The following NKX1-2 variants were observed in gnomAD, a reference collection of about 807,000 sequenced individuals.
NKX1-2 encodes the protein NK1 transcription factor-related protein 2.
A neutral mutation model predicts 4.4 loss-of-function variants in NKX1-2; 1 was observed. The observed-to-expected ratio is 0.23, with a 90% confidence interval of 0.08 to 1.08. The LOEUF is 1.08. Among genes scored for constraint, NKX1-2 ranks in the 50% least tolerant of loss-of-function variants. NKX1-2 has a pLI of 0.55. For missense variants in NKX1-2, 503 were observed against 464.6 expected, an observed-to-expected ratio of 1.08 and a Z score of -0.76; for synonymous variants, 235 against 228.0, an observed-to-expected ratio of 1.03 and a Z score of -0.28.
At position 124,447,587 on chromosome 10, in the gene NKX1-2, C is replaced by G. The variant is rs1484096488; in HGVS notation, c.775G>C (p.Gly259Arg). ...SGGSPGPPGT[G>R]ALHFQTFPSY... is the part of the protein sequence containing the mutation. Reference sequence around the variant, plus strand: ...GGGAAAGTCTGGAAGTGCAGAGCGCCGGTGCCGGGAGGGCCAGGACTGCCC... The same window carrying G: ...GGGAAAGTCTGGAAGTGCAGAGCGCGGGTGCCGGGAGGGCCAGGACTGCCC... The change falls in exon 2 of 2, where the codon GGC becomes CGC. Residue 259 changes from glycine to arginine, a missense_variant. Physicochemically the swap from Gly to Arg is moderately radical, Grantham distance 125. Transcript: ENST00000451024. The G allele has an allele frequency of 7.1e-6, 9 of 1,270,954 alleles. No individual in the cohort carries two copies. In the East Asian group the frequency reaches 1.9e-4, roughly 26 times the overall value. The allele number at this position is 1,270,954 out of a possible 1,614,324, so 78.7% of individuals were successfully genotyped here.
Position 124,448,066 on chromosome 10 carries a change from C to G in NKX1-2, c.296G>C (p.Arg99Thr). The G allele has an allele frequency of 6.6e-7, 1 of 1,522,342 alleles. No individual in the cohort carries two copies. Among genetic ancestry groups the G allele is most frequent in the Non-Finnish European group, 8.8e-7 (1 of 1,140,154 alleles). The allele number at this position is 1,522,342 out of a possible 1,614,324, so 94.3% of individuals were successfully genotyped here. Residue 99 changes from arginine to threonine, a missense_variant, in exon 2 of 2, where the codon AGG becomes ACG. By Grantham distance (71) the Arg-to-Thr change is moderately conservative. Transcript: ENST00000451024. This position sits in a 1 kb window ranked among gnomAD's most constrained non-coding sequence, Gnocchi z 4.1. Reference protein sequence around the residue: ...AEEEEDAEDPRRPRLRERAAR... With the variant: ...AEEEEDAEDPTRPRLRERAAR... ...AGCCCGCTCCCGCAGCCGCGGCCTC[C>G]TCGGATCCTCCGCATCCTCCTCCTC... is the stretch of plus-strand genomic sequence containing the variant.
rs2133791090 is a variant in NKX1-2, at chr10:124,447,561, GGGGAAA to G, written c.795_800del (p.Phe266_Pro267del). 1 of 1,275,078 alleles carries G rather than the reference GGGGAAA, an allele frequency of 7.8e-7. No individual in the cohort carries two copies. The highest frequency in any genetic ancestry group is 3.1e-5 in the East Asian group (1 of 32,360). 79.0% of individuals were successfully genotyped at this position (1,275,078 alleles called of 1,614,324 possible). The stretch of plus-strand genomic sequence containing the variant: ...AGAGGACATTGGCCGCGGAGTAGGA[GGGGAAA>G]GTCTGGAAGTGCAGAGCGCCGGTGC... On this transcript the variant is annotated inframe_deletion, in exon 2 of 2. Transcript: ENST00000451024.
At position 124,447,321 on chromosome 10, in the gene NKX1-2, G is replaced by C; in HGVS notation, c.*108C>G. ...GATCGCGGGTGCGCGCGGCGGGCAG[G>C]GGTGCGCTGACACCCGCGCACCTGC... On this transcript the variant is annotated 3_prime_UTR_variant, in exon 2 of 2. Coordinates refer to ENST00000451024, the MANE Select transcript of NKX1-2 (RefSeq NM_001146340.3). 1.2e-6 allele frequency: 1 copy of C among 834,388 alleles called. No individual in the cohort carries two copies. Among genetic ancestry groups the C allele is most frequent in the East Asian group, 3.4e-5 (1 of 29,784 alleles). The allele number at this position is 834,388 out of a possible 1,614,324, so 51.7% of individuals were successfully genotyped here.
rs3916136 is a variant in NKX1-2, at chr10:124,448,113, G to T, written c.249C>A (p.Pro83=). The change falls in exon 2 of 2, where the codon CCC becomes CCA. Residue 83 remains proline (P), a synonymous_variant. Transcript: ENST00000451024. The surrounding 1 kb of genome is among the most constrained non-coding windows in gnomAD (Gnocchi z 4.1). ...CCTCTTCCGCCTCGGAACCCTCCAG[G>T]GGGGACGCCTGGCCGGCGCCTGGGC... is the stretch of plus-strand genomic sequence containing the variant. The part of the protein sequence containing the change: ...AAGPGAGQAS[P]LEGSEAEEEE... 3.0e-5 allele frequency: 45 copies of T among 1,508,372 alleles called. No individual in the cohort carries two copies. The highest frequency in any genetic ancestry group is 3.6e-5 in the Non-Finnish European group (41 of 1,134,770). 93.4% of individuals were successfully genotyped at this position (1,508,372 alleles called of 1,614,324 possible). A position where few individuals can be genotyped will look rare whatever the true frequency, so the allele number is the denominator to read the frequency against.
rs1952256428 is a variant in NKX1-2 at position 124,447,766 on chromosome 10, G to T, written c.596C>A (p.Ser199Tyr). 1.3e-6 allele frequency: 2 copies of T among 1,482,416 alleles called. No individual in the cohort carries two copies. The highest frequency in any genetic ancestry group is 1.8e-6 in the Non-Finnish European group (2 of 1,110,170). 91.8% of individuals were successfully genotyped at this position (1,482,416 alleles called of 1,614,324 possible). ...SVCERLNLAL[S>Y]LSLTETQVKI... is the part of the protein sequence containing the mutation. ...GACCTGCGTCTCGGTGAGGCTGAGA[G>T]ACAGCGCGAGGTTCAGGCGCTCGCA... Residue 199 changes from serine to tyrosine, a missense_variant, in exon 2 of 2, where the codon TCT becomes TAT. Physicochemically the swap from Ser to Tyr is moderately radical, Grantham distance 144. Transcript: ENST00000451024.
At position 124,446,897 on chromosome 10, in the gene NKX1-2, A is replaced by G. The variant is rs1952243007; in HGVS notation, c.*532T>C. ...ATGCATTTTAAAAATAGTCCGTTTC[A>G]GAGCGGCCGTCTGTGCTCCAGGACC... On this transcript the variant is annotated 3_prime_UTR_variant, in exon 2 of 2. Transcript: ENST00000451024. 1 of 152,498 alleles carries G rather than the reference A, an allele frequency of 6.6e-6. No homozygotes were observed. 9.4% of individuals were successfully genotyped at this position (152,498 alleles called of 1,614,324 possible).
In NKX1-2 at chr10:124,447,941, A is replaced by G. The variant is rs1952260219; in HGVS notation, c.421T>C (p.Ser141Pro). 1 of 1,376,632 alleles carries G rather than the reference A, an allele frequency of 7.3e-7. No individual in the cohort carries two copies. The highest frequency in any genetic ancestry group is 9.4e-7 in the Non-Finnish European group (1 of 1,068,108). 85.3% of individuals were successfully genotyped at this position (1,376,632 alleles called of 1,614,324 possible). A position where few individuals can be genotyped will look rare whatever the true frequency, so the allele number is the denominator to read the frequency against. The change falls in exon 2 of 2, where the codon TCC becomes CCC. Residue 141 changes from serine (S) to proline (P), a missense_variant. Transcript: ENST00000451024. The part of the protein sequence containing the change: ...CEDGGGGPVR[S>P]PPGSPGSPRP... ...GGGGAGCCGGGGGATCCCGGGGGGGACCTCACAGGGCCGCCCCCGCCGTCC... is the reference window on the plus strand; with the variant it reads ...GGGGAGCCGGGGGATCCCGGGGGGGGCCTCACAGGGCCGCCCCCGCCGTCC...
Position 124,447,336 on chromosome 10 carries a change from C to G in NKX1-2, c.*93G>C. ...CGGCGGGCAGGGGTGCGCTGACACC[C>G]GCGCACCTGCACCCCCGGTGGAGGA... On this transcript the variant is annotated 3_prime_UTR_variant, in exon 2 of 2. Coordinates refer to ENST00000451024, the MANE Select transcript of NKX1-2 (RefSeq NM_001146340.3). 1 of 768,980 alleles carries G rather than the reference C, an allele frequency of 1.3e-6. No homozygotes were observed. The highest frequency in any genetic ancestry group is 1.7e-6 in the Non-Finnish European group (1 of 571,586). The allele number at this position is 768,980 out of a possible 1,614,324, so 47.6% of individuals were successfully genotyped here. A position where few individuals can be genotyped will look rare whatever the true frequency, so the allele number is the denominator to read the frequency against.
rs972513163 is a variant in NKX1-2 at position 124,447,924 on chromosome 10, G to A, written c.438C>T (p.Pro146=). 1.5e-5 allele frequency: 21 copies of A among 1,394,098 alleles called. No individual in the cohort carries two copies. Among genetic ancestry groups the A allele is most frequent in the African/African-American group, 3.1e-5 (2 of 65,142 alleles). The allele number at this position is 1,394,098 out of a possible 1,614,324, so 86.4% of individuals were successfully genotyped here. The part of the protein sequence containing the change: ...GGPVRSPPGS[P]GSPRPRRRRL... ...GCCGGCGCCTGGGACGCGGGGAGCC[G>A]GGGGATCCCGGGGGGGACCTCACAG... is the stretch of plus-strand genomic sequence containing the variant. Residue 146 remains proline (P), a synonymous_variant, in exon 2 of 2, where the codon CCC becomes CCT. Coordinates refer to ENST00000451024, the MANE Select transcript of NKX1-2 (RefSeq NM_001146340.3).
Position 124,448,049 on chromosome 10 carries a change from C to A in NKX1-2, c.313G>T (p.Glu105Ter). 6.6e-7 allele frequency: 1 copy of A among 1,519,774 alleles called. No individual in the cohort carries two copies. Among genetic ancestry groups the A allele is most frequent in the African/African-American group, 1.4e-5 (1 of 70,608 alleles). The allele number at this position is 1,519,774 out of a possible 1,614,324, so 94.1% of individuals were successfully genotyped here. The change falls in exon 2 of 2, where the codon GAG (glutamate) becomes TAG (stop). Residue 105 changes from glutamate to a stop codon, truncating the protein, a stop_gained. Coordinates refer to ENST00000451024, the MANE Select transcript of NKX1-2 (RefSeq NM_001146340.3). LOFTEE classifies it low-confidence loss of function (END_TRUNC). The surrounding 1 kb of genome is among the most constrained non-coding windows in gnomAD (Gnocchi z 4.1). ...AEDPRRPRLR[E>*]RAARLLPGLA... ...CCCGGCAGCAAGCGCGCAGCCCGCTCCCGCAGCCGCGGCCTCCTCGGATCC... is the reference window on the plus strand; with the variant it reads ...CCCGGCAGCAAGCGCGCAGCCCGCTACCGCAGCCGCGGCCTCCTCGGATCC...
Position 124,448,819 on chromosome 10 carries a change from G to C in NKX1-2, c.215-672C>G, listed in dbSNP as rs1952269789. On this transcript the variant is annotated intron_variant, in intron 1 of 1. Transcript: ENST00000451024. The surrounding 1 kb of genome is among the most constrained non-coding windows in gnomAD (Gnocchi z 4.1). Reference sequence around the variant, plus strand: ...TCGATCACGAGGGTGGGGGAAGGGAGGGCGGCCCCTCGGAGAGAAGATCCG... The same window carrying C: ...TCGATCACGAGGGTGGGGGAAGGGACGGCGGCCCCTCGGAGAGAAGATCCG... 1 of 153,086 alleles carries C rather than the reference G, an allele frequency of 6.5e-6. No individual in the cohort carries two copies. Among genetic ancestry groups the C allele is most frequent in the South Asian group, 2.1e-4 (1 of 4,874 alleles). 9.5% of individuals were successfully genotyped at this position (153,086 alleles called of 1,614,324 possible). A position where few individuals can be genotyped will look rare whatever the true frequency, so the allele number is the denominator to read the frequency against.
At position 124,448,024 on chromosome 10, in the gene NKX1-2, C is replaced by A; in HGVS notation, c.338G>T (p.Gly113Val). ...LRERAARLLP[G>V]LARSPDAPAG... ...CGGGGCGTCAGGTGAGCGCGCTAGG[C>A]CCGGCAGCAAGCGCGCAGCCCGCTC... The change falls in exon 2 of 2, where the codon GGC (glycine) becomes GTC (valine). Residue 113 changes from glycine to valine, a missense_variant. Physicochemically the swap from Gly to Val is moderately radical, Grantham distance 109. Transcript: ENST00000451024. This position sits in a 1 kb window ranked among gnomAD's most constrained non-coding sequence, Gnocchi z 4.1. 6.6e-7 allele frequency: 1 copy of A among 1,514,664 alleles called. No homozygotes were observed. The highest frequency in any genetic ancestry group is 8.8e-7 in the Non-Finnish European group (1 of 1,136,946). The allele number at this position is 1,514,664 out of a possible 1,614,324, so 93.8% of individuals were successfully genotyped here. A position where few individuals can be genotyped will look rare whatever the true frequency, so the allele number is the denominator to read the frequency against.
chr10:124,447,500 C>T lies in NKX1-2; in HGVS notation c.862G>A (p.Ala288Thr). 2 of 1,271,226 alleles carry T rather than the reference C, an allele frequency of 1.6e-6. No individual in the cohort carries two copies. Among genetic ancestry groups the T allele is most frequent in the South Asian group, 3.7e-5 (1 of 26,780 alleles). The allele number at this position is 1,271,226 out of a possible 1,614,324, so 78.7% of individuals were successfully genotyped here. ...SAASFPLTAA[A>T]PGSPFAPFLG... ...AACGGCGCGAAAGGGCTCCCGGGGG[C>T]GGCAGCCGTCAGCGGGAAGGAGGCG... The change falls in exon 2 of 2, where the codon GCC becomes ACC. Residue 288 changes from alanine (A) to threonine (T), a missense_variant. Physicochemically the swap from Ala to Thr is moderately conservative, Grantham distance 58 (BLOSUM62 0). Transcript: ENST00000451024.
rs1952278294 is a variant in NKX1-2 at position 124,449,731 on chromosome 10, A to C, written c.213T>G (p.Pro71=). The C allele has an allele frequency of 6.5e-7, 1 of 1,549,728 alleles. No homozygotes were observed. The highest frequency in any genetic ancestry group is 1.4e-5 in the African/African-American group (1 of 73,008). Residue 71 remains proline, a splice_region_variant and synonymous_variant, in exon 1 of 2, where the codon CCT becomes CCG. Coordinates refer to ENST00000451024, the MANE Select transcript of NKX1-2 (RefSeq NM_001146340.3). This position sits in a 1 kb window ranked among gnomAD's most constrained non-coding sequence, Gnocchi z 7.5. ...GGCCGGGGCCGCCTTGCATCTTACC[A>C]GGGGTCTCCAGCTGTCGGACAGGGT... ...SRDPVRQLET[P]DAAGPGAGQA...
rs1359424765 is a variant in NKX1-2 at position 124,445,608 on chromosome 10, A to G, written c.*1821T>C. 1 of 152,198 alleles carries G rather than the reference A, an allele frequency of 6.6e-6. No homozygotes were observed. The highest frequency in any genetic ancestry group is 1.5e-5 in the Non-Finnish European group (1 of 68,042). 9.4% of individuals were successfully genotyped at this position (152,198 alleles called of 1,614,324 possible). ...GGATATTGCTTTTGAGAAACCAACA[A>G]ATAGTTATTAAAGGAGTGTTTACCG... On this transcript the variant is annotated 3_prime_UTR_variant, in exon 2 of 2. Coordinates refer to ENST00000451024, the MANE Select transcript of NKX1-2 (RefSeq NM_001146340.3).
Position 124,450,025 on chromosome 10 carries a change from G to C in NKX1-2, c.-82C>G. 1 of 1,113,566 alleles carries C rather than the reference G, an allele frequency of 9.0e-7. No individual in the cohort carries two copies. The highest frequency in any genetic ancestry group is 1.2e-6 in the Non-Finnish European group (1 of 821,452). 69.0% of individuals were successfully genotyped at this position (1,113,566 alleles called of 1,614,324 possible). ...GGCTTGCCTTCGGCTGTGGCTTGGC[G>C]GTAGCTTTCCAGCCAGGAGCCGGGT... On this transcript the variant is annotated 5_prime_UTR_variant, in exon 1 of 2. Transcript: ENST00000451024.
In NKX1-2 at chr10:124,447,300, G is replaced by A. The variant is rs1231211395; in HGVS notation, c.*129C>T. On this transcript the variant is annotated 3_prime_UTR_variant, in exon 2 of 2. Coordinates refer to ENST00000451024, the MANE Select transcript of NKX1-2 (RefSeq NM_001146340.3). Reference sequence around the variant, plus strand: ...GACCCCTTGGTGGCCCGCGAGGATCGCGGGTGCGCGCGGCGGGCAGGGGTG... The same window carrying A: ...GACCCCTTGGTGGCCCGCGAGGATCACGGGTGCGCGCGGCGGGCAGGGGTG... 2 of 496,944 alleles carry A rather than the reference G, an allele frequency of 4.0e-6. No homozygotes were observed. Among genetic ancestry groups the A allele is most frequent in the Admixed American group, 1.0e-4 (2 of 19,978 alleles). The allele number at this position is 496,944 out of a possible 1,614,324, so 30.8% of individuals were successfully genotyped here. A position where few individuals can be genotyped will look rare whatever the true frequency, so the allele number is the denominator to read the frequency against.
At position 124,447,808 on chromosome 10, in the gene NKX1-2, G is replaced by T. The variant is rs1347396841; in HGVS notation, c.554C>A (p.Thr185Lys). The change falls in exon 2 of 2, where the codon ACG becomes AAG. Residue 185 changes from threonine (T) to lysine (K), a missense_variant. Transcript: ENST00000451024. ...LVALENKFRATRYLSVCERLN... is the reference protein window; with the variant it reads ...LVALENKFRAKRYLSVCERLN... The stretch of plus-strand genomic sequence containing the variant: ...GCGCTCGCACACTGACAGGTAGCGC[G>T]TGGCCCGGAACTTGTTCTCCAAGGC... The T allele has an allele frequency of 2.7e-6, 4 of 1,481,404 alleles. No individual in the cohort carries two copies. The Admixed American group carries it at 9.0e-5, about 33-fold the overall frequency. The allele number at this position is 1,481,404 out of a possible 1,614,324, so 91.8% of individuals were successfully genotyped here. A position where few individuals can be genotyped will look rare whatever the true frequency, so the allele number is the denominator to read the frequency against.
chr10:124,447,546 G>A lies in NKX1-2; in HGVS notation c.816C>T (p.Ala272=). ...HFQTFPSYSA[A]NVLFPSAASF... ...AGGCGGCGGACGGGAAGAGGACATT[G>A]GCCGCGGAGTAGGAGGGGAAAGTCT... Residue 272 remains alanine (A), a synonymous_variant, in exon 2 of 2, where the codon GCC becomes GCT. Coordinates refer to ENST00000451024, the MANE Select transcript of NKX1-2 (RefSeq NM_001146340.3). 2 of 1,276,790 alleles carry A rather than the reference G, an allele frequency of 1.6e-6. No individual in the cohort carries two copies. Among genetic ancestry groups the A allele is most frequent in the Non-Finnish European group, 2.0e-6 (2 of 1,008,596 alleles). The allele number at this position is 1,276,790 out of a possible 1,614,324, so 79.1% of individuals were successfully genotyped here.
Sources: allele counts gnomAD v4.1 joint callset, GRCh38; gene constraint gnomAD v4.1.1; non-coding constraint Gnocchi (gnomAD v3.1); transcripts MANE v1.5; gene names NCBI Gene and HGNC (gene_info 2026-07-23, HGNC 2026-07-21).